The following SGCZ variants were observed in gnomAD, a reference collection of about 807,000 sequenced individuals.
SGCZ encodes the protein sarcoglycan zeta.
SGCZ carries 40 observed loss-of-function variants against 41.3 expected under a neutral mutation model. The ratio of observed to expected loss-of-function variants is 0.97; its 90% CI spans 0.75 to 1.26. The LOEUF (loss-of-function observed/expected upper bound fraction) is 1.26. SGCZ is among the 50% of genes most tolerant of loss of function. SGCZ has a pLI of 0.00. For missense variants in SGCZ, 552 were observed against 369.8 expected, an observed-to-expected ratio of 1.49 and a Z score of -4.04; for synonymous variants, 206 against 137.5, an observed-to-expected ratio of 1.50 and a Z score of -3.49.
chr8:15,237,628 C>T lies in SGCZ; in HGVS notation c.-5G>A. On this transcript the variant is annotated 5_prime_UTR_variant, in exon 1 of 8. Transcript: ENST00000382080. ...CAGGTTCGTTGATCTGTCCATGGAG[C>T]GCAACTAAACGAAGTGGAGAGGAAC... 1 of 1,582,116 alleles carries T rather than the reference C, an allele frequency of 6.3e-7. No individual in the cohort carries two copies. Among genetic ancestry groups the T allele is most frequent in the Non-Finnish European group, 8.6e-7 (1 of 1,161,900 alleles).
intron 1 of SGCZ, among the ~76,000 whole-genome samples, chr8:15,185,998 G>A (rs1800321446): frequency 6.6e-6 from 1 of 151,236 alleles, no homozygotes; most frequent in Non-Finnish European, 1.5e-5. Flanking sequence ...GCCGAGGTGG[G>A]CAGATCACGA....
intron 5 of SGCZ, among the ~76,000 whole-genome samples, chr8:14,129,147 G>A (rs1422524321): frequency 1.3e-5 from 2 of 151,788 alleles, no homozygotes; most frequent in Non-Finnish European, 2.9e-5. Flanking sequence ...AGGAGTTCAA[G>A]ACCACCCTGG....
chr8:14,848,436 C>G (rs1257319704), intron 1 of SGCZ, among the ~76,000 whole-genome samples: 1 of 152,156 alleles, frequency 6.6e-6, no homozygotes, highest in Non-Finnish European at 1.5e-5. Flanking sequence ...AGGATTAACA[C>G]TATCTCATTT....
intron 2 of SGCZ, among the ~76,000 whole-genome samples, chr8:14,496,498 G>A (rs1271322602): frequency 1.3e-5 from 2 of 152,042 alleles, no homozygotes. Context: ...ACTACCTCAC[G>A]TACACCATTC....
intron 4 of SGCZ, among the ~76,000 whole-genome samples, chr8:14,188,040 A>C (rs551690642): frequency 3.3e-5 from 5 of 152,286 alleles, no homozygotes; most frequent in Admixed American, 2.6e-4. Flanking sequence ...CAGCATATTC[A>C]AAGTGTTCAG....
chr8:14,170,805 A>C (rs1252132587), intron 4 of SGCZ, among the ~76,000 whole-genome samples: 1 of 152,150 alleles, frequency 6.6e-6, no homozygotes, highest in African/African-American at 2.4e-5. Flanking sequence ...TTAAGAAAAA[A>C]ATAGAAACAA....
intron 2 of SGCZ, among the ~76,000 whole-genome samples, chr8:14,537,545 CTCTT>C (rs936897378): frequency 4.1e-5 from 6 of 146,046 alleles, no homozygotes; most frequent in African/African-American, 7.3e-5. Context: ...TTCTTCTCTT[CTCTT>C]TCTTTCTTTT....
intron 1 of SGCZ, among the ~76,000 whole-genome samples, chr8:15,080,625 T>C (rs892127756): frequency 4.6e-5 from 7 of 152,088 alleles, no homozygotes; most frequent in Admixed American, 1.3e-4. Flanking sequence ...AGAGTCTTGC[T>C]CTGTCACCAG....
At chr8:15,134,992 T>C (rs761293739) in intron 1 of SGCZ, among the ~76,000 whole-genome samples, 61 of 152,202 alleles carry the variant, frequency 4.0e-4, no homozygotes, top group Non-Finnish European at 7.2e-4. Flanking sequence ...GCTACCAATT[T>C]GCTAGACTTT....
chr8:14,315,484 A>G (rs1306500628), intron 3 of SGCZ, among the ~76,000 whole-genome samples: 2 of 152,094 alleles, frequency 1.3e-5, no homozygotes, highest in Admixed American at 6.6e-5. Flanking sequence ...ATGCAAGGGG[A>G]TAAGGATAAA....
chr8:14,117,815 A>T (rs1473074402), intron 5 of SGCZ, among the ~76,000 whole-genome samples: 1 of 151,006 alleles, frequency 6.6e-6, no homozygotes, highest in East Asian at 2.0e-4. Flanking sequence ...ATTCCCACTT[A>T]TGAGTGAGAA....
intron 2 of SGCZ, among the ~76,000 whole-genome samples, chr8:14,385,530 C>T (rs1391263722): frequency 2.0e-5 from 3 of 152,010 alleles, no homozygotes; most frequent in South Asian, 4.2e-4. Flanking sequence ...CCCAGGCTAT[C>T]GATAGAATGA....
At chr8:14,918,430 T>C (rs1484716025) in intron 1 of SGCZ, among the ~76,000 whole-genome samples, 3 of 152,180 alleles carry the variant, frequency 2.0e-5, no homozygotes, top group African/African-American at 7.2e-5. Context: ...TTAAATAAAA[T>C]TTATCATTTC....
intron 5 of SGCZ, among the ~76,000 whole-genome samples, chr8:14,127,056 A>G (rs1802883499): frequency 2.0e-5 from 3 of 152,262 alleles, no homozygotes. Flanking sequence ...AAGTTGATAG[A>G]TGCAGCAAAC....
In SGCZ at chr8:15,000,299, A is replaced by T. The variant is rs373000182; in HGVS notation, c.39+237286T>A. Among the ~76,000 whole-genome samples, 18 of 152,294 alleles carry T rather than the reference A, an allele frequency of 1.2e-4. No individual in the cohort carries two copies. The South Asian group carries it at 3.7e-3, about 32-fold the overall frequency. On this transcript the variant is annotated intron_variant, in intron 1 of 7. Coordinates refer to ENST00000382080, the MANE Select transcript of SGCZ (RefSeq NM_139167.4). ...GCTACTCAGTCTTTGTTTCTTTGTT[A>T]TGGCAACCCTAGCAAACTTTAAAAA...
At chr8:14,844,258 C>T (rs548508990) in intron 1 of SGCZ, among the ~76,000 whole-genome samples, 4 of 152,174 alleles carry the variant, frequency 2.6e-5, no homozygotes, top group South Asian at 4.1e-4. Context: ...AACCCTACAA[C>T]GATTCACTGT....
At chr8:14,737,507 C>A (rs1799074008) in intron 1 of SGCZ, among the ~76,000 whole-genome samples, 1 of 152,062 alleles carries the variant, frequency 6.6e-6, no homozygotes, top group African/African-American at 2.4e-5. Flanking sequence ...ACTGTATTAC[C>A]TTGTTAGGGC....
At chr8:14,191,725 A>G (rs1007056403) in intron 4 of SGCZ, among the ~76,000 whole-genome samples, 3 of 152,138 alleles carry the variant, frequency 2.0e-5, no homozygotes, top group South Asian at 2.1e-4. Context: ...GAAGAGAGAA[A>G]CTAAGGGTAT....
intron 1 of SGCZ, among the ~76,000 whole-genome samples, chr8:15,077,156 C>A (rs17120860): frequency 0.15 from 23,180 of 152,018 alleles, 1,818 homozygotes; most frequent in Middle Eastern, 0.22. Flanking sequence ...CAGAAGTTCA[C>A]TCGATATTTT....
Sources: allele counts gnomAD v4.1 joint callset (sites outside exome capture counted in the v4.1 genomes callset), GRCh38; gene constraint gnomAD v4.1.1; transcripts MANE v1.5; gene names NCBI Gene and HGNC (gene_info 2026-07-23, HGNC 2026-07-21).